PRKACB: variants seen among roughly 807,000 people sequenced by gnomAD.
PRKACB encodes cAMP-dependent protein kinase catalytic subunit beta.
A neutral mutation model predicts 51.4 loss-of-function variants in PRKACB; 16 were observed. The observed-to-expected ratio is 0.31, with a 90% CI of 0.21 to 0.47. The LOEUF (loss-of-function observed/expected upper bound fraction) is 0.47. PRKACB is among the 20% of genes least tolerant of loss of function. The pLI, the probability that PRKACB is intolerant of heterozygous loss-of-function variation, is 1.00. For missense variants in PRKACB, 309 were observed against 464.5 expected, an observed-to-expected ratio of 0.67 and a Z score of 3.08; for synonymous variants, 147 against 154.4, an observed-to-expected ratio of 0.95 and a Z score of 0.35.
intron 5 of PRKACB, among the ~76,000 whole-genome samples, chr1:84,192,552 G>T (rs1434856251): frequency 2.0e-5 from 3 of 152,108 alleles, no homozygotes; most frequent in Non-Finnish European, 4.4e-5. Context: ...GGAAAAAAGA[G>T]TTTAGTCTAG....
At chr1:84,141,056 T>C, upstream of PRKACB, among the ~76,000 whole-genome samples, 1 of 151,612 alleles carries the variant, frequency 6.6e-6, no homozygotes, top group South Asian at 2.1e-4. Flanking sequence ...AAGAAACCAA[T>C]ATTTTGTGGT....
intron 9 of PRKACB, among the ~76,000 whole-genome samples, chr1:84,223,531 G>A (rs1315570784): frequency 1.3e-5 from 2 of 151,788 alleles, no homozygotes; most frequent in East Asian, 1.9e-4. Flanking sequence ...ACCATGCCCC[G>A]GCTAATTTTT....
intron 5 of PRKACB, among the ~76,000 whole-genome samples, chr1:84,195,133 A>G (rs1388569676): frequency 6.6e-6 from 1 of 152,182 alleles, no homozygotes; most frequent in Non-Finnish European, 1.5e-5. Flanking sequence ...TTTAAGCATA[A>G]ATGTTGCAAT....
intron 9 of PRKACB, among the ~76,000 whole-genome samples, 175 bp downstream of exon 9, chr1:84,214,492 A>ATT (rs200259148): frequency 0.035 from 4,766 of 136,710 alleles, 278 homozygotes; most frequent in African/African-American, 0.12. Context: ...TCCCCCTAGA[A>ATT]TTTTTTTTTT....
At chr1:84,156,868 A>C (rs932194173) in intron 1 of PRKACB, among the ~76,000 whole-genome samples, 1 of 152,118 alleles carries the variant, frequency 6.6e-6, no homozygotes, top group Non-Finnish European at 1.5e-5. Context: ...TGTCCTCTTT[A>C]ATCAGATATA....
At chr1:84,152,744 G>A (rs1215132435) in intron 1 of PRKACB, among the ~76,000 whole-genome samples, 5 of 152,168 alleles carry the variant, frequency 3.3e-5, no homozygotes, top group African/African-American at 1.2e-4. Flanking sequence ...TTGGCTTAAG[G>A]AAATGCTATG....
At chr1:84,126,724 C>T (rs934057306) in intron 1 of PRKACB, among the ~76,000 whole-genome samples, 1 of 152,156 alleles carries the variant, frequency 6.6e-6, no homozygotes, top group Non-Finnish European at 1.5e-5. Flanking sequence ...CTTCCTCACC[C>T]TTCCCCAGCT....
intron 1 of PRKACB, among the ~76,000 whole-genome samples, chr1:84,110,965 T>G (rs1417477222): frequency 1.3e-5 from 2 of 152,032 alleles, no homozygotes; most frequent in Non-Finnish European, 2.9e-5. Flanking sequence ...ATTTGTCCCT[T>G]CATTTCTAAT....
upstream of PRKACB, among the ~76,000 whole-genome samples, chr1:84,143,356 G>C (rs892039067): frequency 1.3e-5 from 2 of 152,230 alleles, no homozygotes; most frequent in South Asian, 2.1e-4. Flanking sequence ...GATGTCTGAG[G>C]GGCGAGAATC....
chr1:84,234,291 G>A (rs576023708), intron 9 of PRKACB, among the ~76,000 whole-genome samples: 6 of 152,310 alleles, frequency 3.9e-5, no homozygotes, highest in Non-Finnish European at 5.9e-5. Context: ...CCAGCTGTGT[G>A]CTGGGAGAAC....
At chr1:84,130,163 C>T (rs908708808) in intron 1 of PRKACB, among the ~76,000 whole-genome samples, 2 of 119,818 alleles carry the variant, frequency 1.7e-5, no homozygotes, top group Non-Finnish European at 3.2e-5. Context: ...GCACTCCAGC[C>T]TAGGCAACAG....
At chr1:84,179,481 A>C (rs1222045264) in intron 2 of PRKACB, among the ~76,000 whole-genome samples, 5 of 151,888 alleles carry the variant, frequency 3.3e-5, no homozygotes, top group African/African-American at 4.8e-5. Context: ...TACTGATTCC[A>C]GTTGCTATAA....
upstream of PRKACB, among the ~76,000 whole-genome samples, chr1:84,142,432 TTTG>T (rs41300492): frequency 0.013 from 2,044 of 152,282 alleles, 52 homozygotes; most frequent in African/African-American, 0.046. Flanking sequence ...TCTGTAGATA[TTTG>T]TTGAAGACTA....
intron 2 of PRKACB, among the ~76,000 whole-genome samples, chr1:84,179,450 A>G (rs1662471819): frequency 6.6e-6 from 1 of 151,918 alleles, no homozygotes; most frequent in Non-Finnish European, 1.5e-5. Context: ...TTTCCAGTAT[A>G]ATACCTAATT....
chr1:84,118,038 A>G (rs1309092526), intron 1 of PRKACB, among the ~76,000 whole-genome samples: 1 of 152,170 alleles, frequency 6.6e-6, no homozygotes, highest in Non-Finnish European at 1.5e-5. Flanking sequence ...CAATGCCTTC[A>G]CACAATCTCC....
intron 8 of PRKACB, among the ~76,000 whole-genome samples, chr1:84,212,616 G>T (rs1672309218): frequency 6.6e-6 from 1 of 152,016 alleles, no homozygotes; most frequent in South Asian, 2.1e-4. Flanking sequence ...TGATGACTGG[G>T]GAAGCTATAC....
chr1:84,178,051 G>C (rs906088715), intron 1 of PRKACB, among the ~76,000 whole-genome samples: 1 of 152,018 alleles, frequency 6.6e-6, no homozygotes, highest in African/African-American at 2.4e-5. Context: ...CTTGGTGCCT[G>C]TCATCATCAT....
At chr1:84,230,311 T>A (rs1160009864) in intron 9 of PRKACB, among the ~76,000 whole-genome samples, 1 of 152,180 alleles carries the variant, frequency 6.6e-6, no homozygotes, top group Non-Finnish European at 1.5e-5. Context: ...TTGGTACCAG[T>A]AACATGCTGT....
At chr1:84,165,964 G>T (rs1401809663) in intron 1 of PRKACB, among the ~76,000 whole-genome samples, 1 of 151,596 alleles carries the variant, frequency 6.6e-6, no homozygotes, top group African/African-American at 2.4e-5. Context: ...CTGAAAGGTG[G>T]ATTTTTGCTG....
Sources: gnomAD v4.1 joint callset for allele counts (sites outside exome capture counted in the v4.1 genomes callset) on GRCh38, gnomAD v4.1.1 for gene constraint, MANE v1.5 for transcripts, NCBI Gene and HGNC (gene_info 2026-07-23, HGNC 2026-07-21) for gene names.